Variants in ATM observed in about 807,000 individuals in gnomAD.
ATM encodes serine-protein kinase ATM.
In ATM, 308 loss-of-function variants were observed where a neutral mutation model predicts 387.0. The observed-to-expected ratio is 0.80, with a 90% CI of 0.73 to 0.87. The LOEUF (loss-of-function observed/expected upper bound fraction) is 0.87, where lower values mean the gene tolerates loss of function less well. Among genes scored for constraint, ATM ranks in the 40% least tolerant of loss-of-function variants. The pLI is 0.00. For synonymous variants in ATM, 1,156 were observed against 1,187.3 expected (o/e 0.97, Z 0.54); for missense variants, 3,312 against 3,560.9 (o/e 0.93, Z 1.78).
At chr11:108,277,754 T>C (rs1453805528) in intron 22 of ATM, among the ~76,000 whole-genome samples, 1 of 152,200 alleles carries the variant, frequency 6.6e-6, no homozygotes, top group African/African-American at 2.4e-5. Flanking sequence ...TCTACCTCAG[T>C]TGGAAATGCA....
intron 1 of ATM, chr11:108,225,192 C>T (rs767947658): frequency 1.3e-5 from 2 of 152,066 alleles, no homozygotes; most frequent in Non-Finnish European, 2.9e-5. Flanking sequence ...TTTCATTTTC[C>T]TTATTGACTC....
rs1305054357 is a variant in ATM at position 108,332,707 on chromosome 11, G to GCA, written c.7789-55_7789-54insCA. ...TTTCTCTTTGTTTTTCTAACTCTGA[G>GCA]AAGTTTAAATGTTGGGTAGTTCCTT... On this transcript the variant is annotated intron_variant, in intron 52 of 62. Transcript: ENST00000675843. 4 of 1,569,360 alleles carry GCA rather than the reference G, an allele frequency of 2.5e-6. No individual in the cohort carries two copies. The African/African-American group carries it at 5.4e-5, about 21-fold the overall frequency.
At chr11:108,306,792 A>G (rs2083720864) in intron 37 of ATM, among the ~76,000 whole-genome samples, 1 of 152,196 alleles carries the variant, frequency 6.6e-6, no homozygotes, top group South Asian at 2.1e-4. Context: ...CCAAAAGCAA[A>G]CGTGTCATCT....
chr11:108,351,647 C>T (rs761982836), intron 59 of ATM, among the ~76,000 whole-genome samples: 1 of 152,106 alleles, frequency 6.6e-6, no homozygotes, highest in South Asian at 2.1e-4. Flanking sequence ...ACAATAGTGT[C>T]CTGGACCTAC....
At chr11:108,332,944 ACT>A in intron 53 of ATM, 44 bp downstream of exon 53, 1 of 1,590,274 alleles carries the variant, frequency 6.3e-7, no homozygotes, top group Non-Finnish European at 8.6e-7. Context: ...TTGCTGTGTT[ACT>A]CTCTGTAGAG....
chr11:108,329,271 T>C (rs367867262), intron 49 of ATM, 33 bp downstream of exon 49: 2 of 1,559,650 alleles, frequency 1.3e-6, no homozygotes, highest in East Asian at 2.3e-5. Flanking sequence ...CAATTTTATG[T>C]TCACCAGTTA....
rs777887012 is a variant in ATM, at chr11:108,254,012, A to G, written c.2097A>G (p.Glu699=). The G allele has an allele frequency of 6.2e-6, 10 of 1,613,934 alleles. No individual in the cohort carries two copies. The highest frequency in any genetic ancestry group is 1.1e-5 in the South Asian group (1 of 91,080). ...SLDRCLLGLS[E]QLLNNYSSEI... ...ATCGCTGTCTTCTGGGATTATCAGAACAGCTTCTGAATAATTACTCATCTG... is the reference window on the plus strand; with the variant it reads ...ATCGCTGTCTTCTGGGATTATCAGAGCAGCTTCTGAATAATTACTCATCTG... Residue 699 remains glutamate, a synonymous_variant, in exon 13 of 63, where the codon GAA becomes GAG. Coordinates refer to ENST00000675843, the MANE Select transcript of ATM (RefSeq NM_000051.4).
At chr11:108,323,859 A>G (rs1201296184) in intron 45 of ATM, among the ~76,000 whole-genome samples, 1 of 152,178 alleles carries the variant, frequency 6.6e-6, no homozygotes, top group African/African-American at 2.4e-5. Flanking sequence ...AAAACATTAA[A>G]TAATAACAAA....
rs2078888769 is a variant in ATM at position 108,229,263 on chromosome 11, C to A, written c.271C>A (p.Gln91Lys). ...NVSASTQASR[Q>K]KKMQEISSLV... ...ATCAGCCTCAACACAAGCCTCCAGG[C>A]AGAAAAAGATGCAGGAAATCAGTAG... Residue 91 changes from glutamine to lysine, a missense_variant, in exon 4 of 63, where the codon CAG becomes AAG. By Grantham distance (53) the Gln-to-Lys change is moderately conservative. This residue lies in a region of ATM where 1,791 missense variants were observed against 1,804.5 expected (regional missense o/e 0.99). Coordinates refer to ENST00000675843, the MANE Select transcript of ATM (RefSeq NM_000051.4). 1 of 1,613,402 alleles carries A rather than the reference C, an allele frequency of 6.2e-7. No homozygotes were observed. Among genetic ancestry groups the A allele is most frequent in the Non-Finnish European group, 8.5e-7 (1 of 1,179,706 alleles).
intron 47 of ATM, 138 bp downstream of exon 47, chr11:108,326,363 C>A: frequency 8.3e-7 from 1 of 1,208,694 alleles, no homozygotes; most frequent in Non-Finnish European, 1.1e-6. Flanking sequence ...TAAAACTAGT[C>A]TTGAAAATTA....
chr11:108,317,057 C>T (rs2084726058), intron 42 of ATM, among the ~76,000 whole-genome samples: 1 of 151,484 alleles, frequency 6.6e-6, no homozygotes, highest in African/African-American at 2.4e-5. Flanking sequence ...CTTCAGCCAC[C>T]CAAGTAGCTG....
chr11:108,292,648 G>T lies in ATM; in HGVS notation c.4466G>T (p.Arg1489Leu), dbSNP rs201594549. 4 of 1,613,400 alleles carry T rather than the reference G, an allele frequency of 2.5e-6. No individual in the cohort carries two copies. Among genetic ancestry groups the T allele is most frequent in the Non-Finnish European group, 3.4e-6 (4 of 1,179,882 alleles). ...TCTTGTATCATGGATGTGTCATTAC[G>T]TAGCTTCTCCCTTTGTTGTGACTTA... ...RPSCIMDVSL[R>L]SFSLCCDLLS... The change falls in exon 30 of 63, where the codon CGT becomes CTT. Residue 1489 changes from arginine to leucine, a missense_variant. Physicochemically the swap from Arg to Leu is moderately radical, Grantham distance 102 (BLOSUM62 -2). This residue lies in a region of ATM where 1,791 missense variants were observed against 1,804.5 expected (regional missense o/e 0.99). Coordinates refer to ENST00000675843, the MANE Select transcript of ATM (RefSeq NM_000051.4).
chr11:108,244,345 C>T (rs1460261784), intron 6 of ATM, among the ~76,000 whole-genome samples: 1 of 152,132 alleles, frequency 6.6e-6, no homozygotes, highest in Non-Finnish European at 1.5e-5. Flanking sequence ...TGCTGATGTT[C>T]TGTTGACCAG....
intron 59 of ATM, among the ~76,000 whole-genome samples, chr11:108,350,401 T>A (rs1329681648): frequency 3.3e-5 from 5 of 152,154 alleles, no homozygotes; most frequent in Admixed American, 3.3e-4. Flanking sequence ...TTAGTAAGAA[T>A]AAGGGGTAGA....
chr11:108,331,790 T>TAATA, intron 51 of ATM, 89 bp from the exon 52 acceptor site: 1 of 1,471,050 alleles, frequency 6.8e-7, no homozygotes, highest in Non-Finnish European at 9.4e-7. Flanking sequence ...ATCTAGACAG[T>TAATA]AATACACATT....
chr11:108,227,149 G>T (rs1487481588), intron 1 of ATM: 1 of 159,308 alleles, frequency 6.3e-6, no homozygotes, highest in Admixed American at 6.2e-5. Context: ...TGAGTAGCTG[G>T]GATTACAGGC....
intron 40 of ATM, 148 bp from the exon 41 acceptor site, chr11:108,315,675 C>T: frequency 1.5e-6 from 1 of 682,526 alleles, no homozygotes; most frequent in Non-Finnish European, 2.6e-6. Context: ...TATTTCAGAA[C>T]TGTATTTCAG....
chr11:108,308,889 A>C, intron 38 of ATM: 1 of 789,486 alleles, frequency 1.3e-6, no homozygotes, highest in Non-Finnish European at 2.1e-6. Flanking sequence ...GAGGAGGCCT[A>C]TCAGAAGCTT....
At chr11:108,329,442 T>C (rs989009534) in intron 49 of ATM, 3 of 569,228 alleles carry the variant, frequency 5.3e-6, no homozygotes, top group African/African-American at 1.9e-5. Flanking sequence ...GGTCTCACTC[T>C]GTCACCCAGG....
Sources: gnomAD v4.1 joint callset for allele counts (sites outside exome capture counted in the v4.1 genomes callset) on GRCh38, gnomAD v4.1.1 for gene constraint, gnomAD v4.1.1 regional missense constraint, MANE v1.5 for transcripts, NCBI Gene and HGNC (gene_info 2026-07-23, HGNC 2026-07-21) for gene names.